The following SLC15A5 variants were observed in gnomAD, a reference collection of about 807,000 sequenced individuals.
SLC15A5 encodes Peptide/histidine transporter ENSP00000340402.
SLC15A5 carries 58 observed loss-of-function variants against 56.1 expected under a neutral mutation model. The ratio of observed to expected loss-of-function variants is 1.03; its 90% CI spans 0.84 to 1.29. The LOEUF (loss-of-function observed/expected upper bound fraction) is 1.29. Among genes scored for constraint, SLC15A5 ranks in the 50% most tolerant of loss-of-function variants. The probability of loss-of-function intolerance (pLI) is 0.00; values close to 1 mark genes in which losing one functional copy is unlikely to be tolerated. For missense variants in SLC15A5, 681 were observed against 672.1 expected, an observed-to-expected ratio of 1.01 and a Z score of -0.15; for synonymous variants, 264 against 250.5, an observed-to-expected ratio of 1.05 and a Z score of -0.51.
At chr12:16,251,091 T>C (rs1591655777) in intron 3 of SLC15A5, among the ~76,000 whole-genome samples, 3 of 151,892 alleles carry the variant, frequency 2.0e-5, no homozygotes, top group Admixed American at 1.3e-4. Context: ...TCTTAACAAA[T>C]TGGACAAAGA....
intron 5 of SLC15A5, among the ~76,000 whole-genome samples, chr12:16,225,548 C>G (rs1591647797): frequency 6.6e-6 from 1 of 152,148 alleles, no homozygotes; most frequent in Admixed American, 6.5e-5. Flanking sequence ...TTTTTGCAAT[C>G]TACTCATCTG....
At chr12:16,241,962 C>T (rs1385010635) in intron 4 of SLC15A5, among the ~76,000 whole-genome samples, 1 of 152,140 alleles carries the variant, frequency 6.6e-6, no homozygotes, top group African/African-American at 2.4e-5. Context: ...GTTCTGAAAT[C>T]ATCGCCCTGT....
chr12:16,233,222 A>G (rs1268673407), intron 5 of SLC15A5, among the ~76,000 whole-genome samples: 1 of 152,142 alleles, frequency 6.6e-6, no homozygotes, highest in Admixed American at 6.5e-5. Context: ...TATGAAGGAA[A>G]GTTTATGGCA....
intron 7 of SLC15A5, among the ~76,000 whole-genome samples, chr12:16,209,019 C>CTTT (rs34238331): frequency 7.1e-6 from 1 of 141,344 alleles, no homozygotes. Context: ...AACATGATGC[C>CTTT]TTTTTTTTTT....
intron 6 of SLC15A5, among the ~76,000 whole-genome samples, chr12:16,217,344 GC>G (rs1864140619): frequency 2.0e-5 from 3 of 152,030 alleles, no homozygotes; most frequent in African/African-American, 4.8e-5. Flanking sequence ...TAGAGGTGTG[GC>G]CTCTATTAGA....
rs534106532 is a variant in SLC15A5, at chr12:16,271,271, C to T, written c.584+1290G>A. Among the ~76,000 whole-genome samples, 1 of 152,216 alleles carries T rather than the reference C, an allele frequency of 6.6e-6. No homozygotes were observed. The highest frequency in any genetic ancestry group is 1.9e-4 in the East Asian group (1 of 5,180). On this transcript the variant is annotated intron_variant, in intron 2 of 8. Coordinates refer to ENST00000344941, the MANE Select transcript of SLC15A5 (RefSeq NM_001170798.1). This position sits in a 1 kb window ranked among gnomAD's most constrained non-coding sequence, Gnocchi z 8.0. ...AAACACAACTCTGAATGACTAAGACCACAGTACAATAAATTCTCCAGAGCT... is the reference window on the plus strand; with the variant it reads ...AAACACAACTCTGAATGACTAAGACTACAGTACAATAAATTCTCCAGAGCT...
intron 2 of SLC15A5, among the ~76,000 whole-genome samples, chr12:16,263,524 C>CACCGGCTTTGGCCTCCCAAAGT (rs1864663029): frequency 6.6e-6 from 1 of 152,008 alleles, no homozygotes; most frequent in African/African-American, 2.4e-5. Context: ...AATTCAAGCC[C>CACCGGCTTTGGCCTCCCAAAGT]GCTGCAGAAA....
intron 3 of SLC15A5, among the ~76,000 whole-genome samples, chr12:16,249,205 C>A (rs1246105951): frequency 1.3e-5 from 2 of 151,992 alleles, no homozygotes; most frequent in African/African-American, 4.8e-5. Flanking sequence ...CAAATGAATT[C>A]CGTGCTTGAC....
Position 16,239,680 on chromosome 12 carries a change from C to T in SLC15A5, c.1162+1G>A, listed in dbSNP as rs1345998719. The stretch of plus-strand genomic sequence containing the variant: ...GCATGAAATGGTTAAATTGTACTTA[C>T]TGATGCATGTTGACAGAAATGATCC... On this transcript the variant is annotated splice_donor_variant, in intron 5 of 8. Transcript: ENST00000344941. LOFTEE classifies it high-confidence loss of function. 4 of 1,535,690 alleles carry T rather than the reference C, an allele frequency of 2.6e-6. No homozygotes were observed. In the Admixed American group the frequency reaches 5.9e-5, roughly 23 times the overall value.
intron 5 of SLC15A5, among the ~76,000 whole-genome samples, chr12:16,225,116 C>T (rs1382236166): frequency 6.6e-6 from 1 of 152,122 alleles, no homozygotes. Flanking sequence ...TTTTCTTAAT[C>T]CAGTCTATCA....
chr12:16,254,839 G>C (rs1469720250), intron 3 of SLC15A5, among the ~76,000 whole-genome samples: 1 of 152,136 alleles, frequency 6.6e-6, no homozygotes, highest in Non-Finnish European at 1.5e-5. Context: ...GATATTAGAG[G>C]CTGGGAAGCA....
At chr12:16,262,484 C>G (rs1373450850) in intron 2 of SLC15A5, among the ~76,000 whole-genome samples, 3 of 152,174 alleles carry the variant, frequency 2.0e-5, no homozygotes, top group African/African-American at 7.2e-5. Flanking sequence ...TAATCACACC[C>G]TCTAAACAAG....
At chr12:16,192,157 G>A (rs928244523) in intron 8 of SLC15A5, among the ~76,000 whole-genome samples, 1 of 152,090 alleles carries the variant, frequency 6.6e-6, no homozygotes, top group African/African-American at 2.4e-5. Context: ...TATATGCCAA[G>A]AAGGTGGTGG....
intron 2 of SLC15A5, among the ~76,000 whole-genome samples, chr12:16,264,056 C>G (rs573795028): frequency 5.9e-5 from 9 of 152,310 alleles, no homozygotes; most frequent in Middle Eastern, 6.8e-3. Context: ...GAACCACTGG[C>G]CTCCAGACCC....
intron 7 of SLC15A5, among the ~76,000 whole-genome samples, chr12:16,205,760 T>G (rs545464850): frequency 6.6e-6 from 1 of 152,028 alleles, no homozygotes; most frequent in East Asian, 1.9e-4. Context: ...GCATATTGCT[T>G]TTGATTCAAG....
chr12:16,220,882 C>A (rs965224704), intron 6 of SLC15A5, among the ~76,000 whole-genome samples: 19 of 152,260 alleles, frequency 1.2e-4, no homozygotes, highest in African/African-American at 4.6e-4. Context: ...TGTAGACACC[C>A]ACACAGTATT....
rs565264710 is a variant in SLC15A5 at position 16,230,592 on chromosome 12, A to C, written c.1163-5990T>G. On this transcript the variant is annotated intron_variant, in intron 5 of 8. Transcript: ENST00000344941. ...ATTATTTACACCCAGAGAATAAGGC[A>C]CTTGAGTATTTTTTATTTTTTAATT... Among the ~76,000 whole-genome samples, 179 of 152,258 alleles carry C rather than the reference A, an allele frequency of 1.2e-3. 1 individual carries two copies. Among genetic ancestry groups the C allele is most frequent in the African/African-American group, 4.0e-3 (166 of 41,536 alleles).
chr12:16,222,040 GATA>G (rs1864192073), intron 6 of SLC15A5, among the ~76,000 whole-genome samples: 3 of 152,250 alleles, frequency 2.0e-5, no homozygotes, highest in Middle Eastern at 3.4e-3. Context: ...TGTGAAACAT[GATA>G]ATAATATTAG....
chr12:16,260,754 T>TC (rs1273513721), intron 2 of SLC15A5, among the ~76,000 whole-genome samples: 1 of 120,874 alleles, frequency 8.3e-6, no homozygotes, highest in Non-Finnish European at 1.8e-5. Context: ...ACAAGTATTT[T>TC]CCCGTTTTTT....
Sources: gnomAD v4.1 joint callset for allele counts (sites outside exome capture counted in the v4.1 genomes callset) on GRCh38, gnomAD v4.1.1 for gene constraint, Gnocchi (gnomAD v3.1) non-coding constraint, MANE v1.5 for transcripts, NCBI Gene and HGNC (gene_info 2026-07-23, HGNC 2026-07-21) for gene names.